Variants in CNTLN observed in about 807,000 individuals in gnomAD.
CNTLN encodes centlein, centrosomal protein.
CNTLN carries 212 observed loss-of-function variants against 180.0 expected under a neutral mutation model. That is an observed-to-expected ratio of 1.18 (90% CI 1.05 to 1.32). CNTLN has a LOEUF of 1.32. CNTLN is among the 40% of genes most tolerant of loss of function. The pLI is 0.00. For missense variants in CNTLN, 2,095 were observed against 1,610.9 expected, an observed-to-expected ratio of 1.30 and a Z score of -5.14; for synonymous variants, 722 against 563.1, an observed-to-expected ratio of 1.28 and a Z score of -3.99.
chr9:17,337,989 T>C (rs112197970), intron 10 of CNTLN, among the ~76,000 whole-genome samples: 3 of 152,224 alleles, frequency 2.0e-5, no homozygotes, highest in African/African-American at 7.2e-5. Flanking sequence ...GAACTTTGAT[T>C]CAATGAAGAA....
At chr9:17,335,856 C>G (rs143379245) in intron 10 of CNTLN, among the ~76,000 whole-genome samples, 1 of 150,498 alleles carries the variant, frequency 6.6e-6, no homozygotes, top group African/African-American at 2.5e-5. Context: ...GGATGAGAAT[C>G]GCTTGAACCC....
intron 2 of CNTLN, among the ~76,000 whole-genome samples, chr9:17,166,389 A>G (rs1033832832): frequency 1.3e-5 from 2 of 152,224 alleles, no homozygotes; most frequent in African/African-American, 4.8e-5. Flanking sequence ...AGGTGCTATA[A>G]CAGTCATTAA....
chr9:17,323,090 A>G (rs1820027043), intron 8 of CNTLN, among the ~76,000 whole-genome samples: 1 of 152,170 alleles, frequency 6.6e-6, no homozygotes, highest in South Asian at 2.1e-4. Flanking sequence ...TAATGAACTT[A>G]TGCCATATGC....
intron 13 of CNTLN, among the ~76,000 whole-genome samples, chr9:17,384,174 C>T (rs1024193441): frequency 9.9e-5 from 15 of 151,888 alleles, no homozygotes; most frequent in African/African-American, 3.4e-4. Flanking sequence ...GTTCAAATTC[C>T]CCTGATTCAT....
chr9:17,270,558 C>T (rs1468026429), intron 5 of CNTLN, among the ~76,000 whole-genome samples: 1 of 152,050 alleles, frequency 6.6e-6, no homozygotes, highest in African/African-American at 2.4e-5. Flanking sequence ...CTGAAATGTT[C>T]CTTTTTATGT....
intron 15 of CNTLN, among the ~76,000 whole-genome samples, chr9:17,406,455 C>G (rs1194846372): frequency 6.6e-6 from 1 of 151,690 alleles, no homozygotes; most frequent in Non-Finnish European, 1.5e-5. Context: ...TGTCTTCTGC[C>G]TGGAATGTAT....
chr9:17,398,992 G>A (rs536802481), intron 15 of CNTLN, among the ~76,000 whole-genome samples: 1 of 152,302 alleles, frequency 6.6e-6, no homozygotes, highest in Admixed American at 6.5e-5. Flanking sequence ...CCTGGAGGTA[G>A]CACCAGAGGA....
At chr9:17,287,155 G>C (rs1187089296) in intron 6 of CNTLN, among the ~76,000 whole-genome samples, 162 of 144,816 alleles carry the variant, frequency 1.1e-3, no homozygotes, top group Non-Finnish European at 2.0e-3. Context: ...GTCATAGATA[G>C]CTCTTATTAT....
At chr9:17,169,960 A>G (rs115545794) in intron 2 of CNTLN, among the ~76,000 whole-genome samples, 2,901 of 152,254 alleles carry the variant, frequency 0.019, 59 homozygotes, top group African/African-American at 0.05. Context: ...GATAGGGTTT[A>G]CATTGAATCT....
At chr9:17,178,427 G>A (rs990601057) in intron 2 of CNTLN, among the ~76,000 whole-genome samples, 5 of 152,210 alleles carry the variant, frequency 3.3e-5, no homozygotes, top group African/African-American at 9.6e-5. Flanking sequence ...CTCAGCCCTT[G>A]GGCGGTAGAT....
chr9:17,427,000 C>T (rs898040972), intron 18 of CNTLN, among the ~76,000 whole-genome samples: 37 of 152,082 alleles, frequency 2.4e-4, no homozygotes, highest in African/African-American at 8.7e-4. Context: ...TTGTACTCTG[C>T]CCTGGTCCCA....
intron 18 of CNTLN, among the ~76,000 whole-genome samples, chr9:17,443,623 G>T (rs951614964): frequency 6.6e-6 from 1 of 152,028 alleles, no homozygotes; most frequent in Non-Finnish European, 1.5e-5. Context: ...CAACTGTATT[G>T]GTAATATATT....
intron 18 of CNTLN, among the ~76,000 whole-genome samples, chr9:17,432,300 AG>A (rs1389482234): frequency 6.6e-6 from 1 of 152,242 alleles, no homozygotes. Flanking sequence ...AGAAATTACA[AG>A]TGGCCTGATG....
intron 2 of CNTLN, among the ~76,000 whole-genome samples, chr9:17,218,613 A>T (rs1823922120): frequency 6.6e-6 from 1 of 152,162 alleles, no homozygotes; most frequent in Admixed American, 6.5e-5. Flanking sequence ...AATTGTTTAA[A>T]TTGCAAACCA....
At chr9:17,334,125 T>C (rs1820825682) in intron 10 of CNTLN, among the ~76,000 whole-genome samples, 1 of 152,150 alleles carries the variant, frequency 6.6e-6, no homozygotes, top group Middle Eastern at 3.2e-3. Flanking sequence ...AGTGGCATGA[T>C]CTCGGCTCAC....
chr9:17,169,313 A>T (rs1467688411), intron 2 of CNTLN, among the ~76,000 whole-genome samples: 1 of 152,138 alleles, frequency 6.6e-6, no homozygotes, highest in East Asian at 1.9e-4. Flanking sequence ...ATCTTGAGTA[A>T]TCCTAAACCT....
rs1564027357 is a variant in CNTLN, at chr9:17,359,740, A to AACAAACAAAC, written c.1887-6876_1887-6875insCAAACAAACA. ...ACTAAAAATACAAAAAAAAAAAAAA[A>AACAAACAAAC]AAAAAAAAAACTAGCTGGGTGTAGT... On this transcript the variant is annotated intron_variant, in intron 12 of 25. Coordinates refer to ENST00000380647, the MANE Select transcript of CNTLN (RefSeq NM_017738.4). 5.1e-3 allele frequency among the ~76,000 whole-genome samples: 623 copies of AACAAACAAAC among 123,268 alleles called. 23 individuals carry two copies. The highest frequency in any genetic ancestry group is 0.017 in the African/African-American group (601 of 34,976). The allele number at this position is 123,268 out of a possible 152,430, so 80.9% of individuals were successfully genotyped here. A position where few individuals can be genotyped will look rare whatever the true frequency, so the allele number is the denominator to read the frequency against.
At chr9:17,476,952 C>T (rs1832384414) in intron 23 of CNTLN, among the ~76,000 whole-genome samples, 2 of 152,184 alleles carry the variant, frequency 1.3e-5, no homozygotes, top group South Asian at 4.1e-4. Context: ...CAATGCCTGG[C>T]TTCAAAGCTT....
intron 5 of CNTLN, among the ~76,000 whole-genome samples, chr9:17,268,311 T>C (rs372274683): frequency 6.6e-6 from 1 of 152,324 alleles, no homozygotes; most frequent in East Asian, 1.9e-4. Context: ...CTCCAGACCC[T>C]GTTTGCCTGG....
Sources: allele counts gnomAD v4.1 joint callset (sites outside exome capture counted in the v4.1 genomes callset), GRCh38; gene constraint gnomAD v4.1.1; transcripts MANE v1.5; gene names NCBI Gene and HGNC (gene_info 2026-07-23, HGNC 2026-07-21).